The following RIMS1 variants were observed in gnomAD, a reference collection of about 807,000 sequenced individuals.
RIMS1 encodes regulating synaptic membrane exocytosis protein 1.
In RIMS1, 83 loss-of-function variants were observed where a neutral mutation model predicts 214.1. The ratio of observed to expected loss-of-function variants is 0.39; its 90% CI spans 0.32 to 0.47. The LOEUF is 0.47. Among genes scored for constraint, RIMS1 ranks in the 20% least tolerant of loss-of-function variants. The pLI is 0.99. For missense variants in RIMS1, 2,050 were observed against 2,161.8 expected, an observed-to-expected ratio of 0.95 and a Z score of 1.03; for synonymous variants, 793 against 786.8, an observed-to-expected ratio of 1.01 and a Z score of -0.13.
At chr6:72,146,156 T>A (rs1357313195) in intron 4 of RIMS1, among the ~76,000 whole-genome samples, 2 of 152,142 alleles carry the variant, frequency 1.3e-5, no homozygotes, top group Non-Finnish European at 2.9e-5. Flanking sequence ...TCCTGAACAT[T>A]TTTCCTCTAT....
At chr6:72,356,604 C>CA (rs1407349794) in intron 29 of RIMS1, among the ~76,000 whole-genome samples, 8 of 150,336 alleles carry the variant, frequency 5.3e-5, no homozygotes. Flanking sequence ...ACTAAAAATA[C>CA]AAAAAATTAG....
chr6:72,288,146 C>T (rs1269188830), intron 24 of RIMS1, among the ~76,000 whole-genome samples: 1 of 152,156 alleles, frequency 6.6e-6, no homozygotes, highest in African/African-American at 2.4e-5. Context: ...TGGAGCTGGA[C>T]AGACCTGTGT....
chr6:71,887,048 G>C lies in RIMS1; in HGVS notation c.25G>C (p.Gly9Arg), dbSNP rs377508461. 6.2e-7 allele frequency: 1 copy of C among 1,613,418 alleles called. No homozygotes were observed. The highest frequency in any genetic ancestry group is 8.5e-7 in the Non-Finnish European group (1 of 1,179,682). Residue 9 changes from glycine to arginine, a missense_variant, in exon 1 of 34, where the codon GGT becomes CGT. By Grantham distance (125) the Gly-to-Arg change is moderately radical. Transcript: ENST00000521978. MSSAVGPR[G>R]PRPPTVPPPM... The stretch of plus-strand genomic sequence containing the variant: ...AATGTCCTCGGCCGTGGGGCCCCGC[G>C]GTCCTCGCCCACCCACGGTGCCTCC...
intron 24 of RIMS1, among the ~76,000 whole-genome samples, chr6:72,289,348 A>G (rs2092953177): frequency 6.6e-6 from 1 of 152,196 alleles, no homozygotes; most frequent in Admixed American, 6.5e-5. Context: ...ACTCTATCCC[A>G]TAGAAATTCA....
At chr6:72,383,273 A>G (rs2098524787) in intron 29 of RIMS1, among the ~76,000 whole-genome samples, 1 of 152,170 alleles carries the variant, frequency 6.6e-6, no homozygotes, top group East Asian at 1.9e-4. Context: ...TTACTTGTCT[A>G]TGTCTCCTTC....
At chr6:72,010,484 A>G (rs1032881623) in intron 2 of RIMS1, among the ~76,000 whole-genome samples, 1 of 152,230 alleles carries the variant, frequency 6.6e-6, no homozygotes, top group Non-Finnish European at 1.5e-5. Flanking sequence ...GGCCAGGGCA[A>G]TCAGGCAGGA....
At chr6:72,244,234 TA>T (rs1489764485) in intron 10 of RIMS1, among the ~76,000 whole-genome samples, 1 of 151,802 alleles carries the variant, frequency 6.6e-6, no homozygotes, top group African/African-American at 2.4e-5. Context: ...CCTTGACCTT[TA>T]TGCTTTTAAT....
chr6:72,159,630 C>T (rs1244127025), intron 4 of RIMS1, among the ~76,000 whole-genome samples: 1 of 140,612 alleles, frequency 7.1e-6, no homozygotes, highest in East Asian at 2.0e-4. Context: ...TTCCCAGCAC[C>T]ATTTATTAAA....
intron 2 of RIMS1, among the ~76,000 whole-genome samples, chr6:72,092,635 G>A (rs982478257): frequency 1.7e-4 from 26 of 152,138 alleles, no homozygotes; most frequent in African/African-American, 6.0e-4. Flanking sequence ...GTCACCAAGG[G>A]CCAGCATTGA....
chr6:72,043,616 T>A (rs1420235299), intron 2 of RIMS1, among the ~76,000 whole-genome samples: 1 of 144,242 alleles, frequency 6.9e-6, no homozygotes, highest in Non-Finnish European at 1.6e-5. Context: ...GAACATTAAT[T>A]TCACAGTAAA....
chr6:72,217,597 C>T (rs777441771), intron 6 of RIMS1, among the ~76,000 whole-genome samples: 13 of 152,278 alleles, frequency 8.5e-5, no homozygotes, highest in South Asian at 4.1e-4. Context: ...TAGTGACTTT[C>T]ACTAAAATTA....
intron 23 of RIMS1, among the ~76,000 whole-genome samples, chr6:72,277,339 TGG>T (rs1450558028): frequency 6.6e-6 from 1 of 152,160 alleles, no homozygotes; most frequent in Non-Finnish European, 1.5e-5. Context: ...CCCAGCACTT[TGG>T]GAGGCCGAGG....
At chr6:72,123,496 T>A (rs867395361) in intron 4 of RIMS1, among the ~76,000 whole-genome samples, 2 of 151,922 alleles carry the variant, frequency 1.3e-5, no homozygotes, top group South Asian at 2.1e-4. Flanking sequence ...GTCCACTTGG[T>A]GCAGAGCTGA....
intron 2 of RIMS1, among the ~76,000 whole-genome samples, chr6:72,055,102 A>C (rs1825800955): frequency 6.6e-6 from 1 of 152,122 alleles, no homozygotes; most frequent in Non-Finnish European, 1.5e-5. Context: ...ATTTTTGTAT[A>C]AGGTGTAATG....
At chr6:72,355,563 G>A (rs2097596660) in intron 29 of RIMS1, among the ~76,000 whole-genome samples, 1 of 152,140 alleles carries the variant, frequency 6.6e-6, no homozygotes, top group Admixed American at 6.6e-5. Flanking sequence ...AAAGATGGGT[G>A]AAAACACCTT....
chr6:72,281,710 T>C lies in RIMS1; in HGVS notation c.3483-2337T>C, dbSNP rs144703992. 5.3e-3 allele frequency among the ~76,000 whole-genome samples: 812 copies of C among 152,186 alleles called. 6 individuals are homozygous for C. The highest frequency in any genetic ancestry group is 0.017 in the Middle Eastern group (5 of 294). ...GATACTTTTTCTCTAACAATATACA[T>C]GGCTATCTCCTTCACTTTACATCTT... On this transcript the variant is annotated intron_variant, in intron 23 of 33. Coordinates refer to ENST00000521978, the MANE Select transcript of RIMS1 (RefSeq NM_014989.7).
intron 6 of RIMS1, among the ~76,000 whole-genome samples, chr6:72,209,900 C>CAAAAAAAA (rs200401100): frequency 8.6e-6 from 1 of 115,826 alleles, no homozygotes; most frequent in Non-Finnish European, 2.0e-5. Context: ...GACTCTGTCT[C>CAAAAAAAA]AAAAAAAAAA....
At chr6:72,150,481 T>A (rs2043394644) in intron 4 of RIMS1, among the ~76,000 whole-genome samples, 1 of 152,160 alleles carries the variant, frequency 6.6e-6, no homozygotes, top group Admixed American at 6.5e-5. Context: ...ACATAAGATA[T>A]TGAAGACATT....
chr6:71,921,561 A>G (rs1562199506), intron 1 of RIMS1, among the ~76,000 whole-genome samples: 1 of 152,246 alleles, frequency 6.6e-6, no homozygotes, highest in Non-Finnish European at 1.5e-5. Flanking sequence ...TTGCACAATC[A>G]TACTTACTGA....
Sources: allele counts gnomAD v4.1 joint callset (sites outside exome capture counted in the v4.1 genomes callset), GRCh38; gene constraint gnomAD v4.1.1; transcripts MANE v1.5; gene names NCBI Gene and HGNC (gene_info 2026-07-23, HGNC 2026-07-21).